Variants in CDKL2 observed in about 807,000 individuals in gnomAD.
CDKL2 encodes cyclin-dependent kinase-like 2.
Under a neutral mutation model 63.9 loss-of-function variants are expected in CDKL2, and 64 were observed. The observed-to-expected ratio is 1.00, with a 90% CI of 0.82 to 1.23. The LOEUF is 1.23. Among genes scored for constraint, CDKL2 ranks in the 50% most tolerant of loss-of-function variants. The pLI is 0.00. For missense variants in CDKL2, 656 were observed against 668.0 expected, an observed-to-expected ratio of 0.98 and a Z score of 0.20; for synonymous variants, 211 against 229.2, an observed-to-expected ratio of 0.92 and a Z score of 0.72.
In CDKL2 at chr4:75,603,938, T is replaced by C; in HGVS notation, c.674A>G (p.His225Arg). Reference sequence around the variant, plus strand: ...AGGATTTTTATTAAAAAGCTCCTGATGCCTTGGAATTAGATTACCTGGAAG... The same window carrying C: ...AGGATTTTTATTAAAAAGCTCCTGACGCCTTGGAATTAGATTACCTGGAAG... ...MMCLGNLIPR[H>R]QELFNKNPVF... is the part of the protein sequence containing the mutation. Residue 225 changes from histidine (H) to arginine (R), a missense_variant, in exon 6 of 14, where the codon CAT becomes CGT. Coordinates refer to ENST00000307465, the MANE Select transcript of CDKL2 (RefSeq NM_001330724.2). 1.9e-6 allele frequency: 3 copies of C among 1,608,360 alleles called. No individual in the cohort carries two copies. Among genetic ancestry groups the C allele is most frequent in the Middle Eastern group, 3.3e-4 (2 of 6,018 alleles).
intron 6 of CDKL2, among the ~76,000 whole-genome samples, chr4:75,602,015 T>G (rs573482517): frequency 4.4e-4 from 67 of 152,328 alleles, no homozygotes; most frequent in South Asian, 1.4e-3. Flanking sequence ...TGATTCTCAC[T>G]TGATAGAATG....
intron 2 of CDKL2, among the ~76,000 whole-genome samples, chr4:75,618,397 G>C (rs1045418220): frequency 6.6e-6 from 1 of 151,318 alleles, no homozygotes; most frequent in African/African-American, 2.4e-5. Flanking sequence ...TGGGATTACA[G>C]ACATGCGCCA....
At chr4:75,593,526 A>G (rs987029051) in intron 10 of CDKL2, among the ~76,000 whole-genome samples, 3 of 152,108 alleles carry the variant, frequency 2.0e-5, no homozygotes, top group Non-Finnish European at 2.9e-5. Flanking sequence ...AGAAGAATAA[A>G]TTACCTCTTC....
chr4:75,618,522 G>A (rs68155345), intron 2 of CDKL2, among the ~76,000 whole-genome samples: 23,280 of 151,858 alleles, frequency 0.15, 2,439 homozygotes, highest in African/African-American at 0.3. Context: ...CCAAAGTGCT[G>A]GGATTACAAG....
At chr4:75,614,213 A>G in intron 3 of CDKL2, 42 bp downstream of exon 3, 1 of 1,287,824 alleles carries the variant, frequency 7.8e-7, no homozygotes, top group East Asian at 2.4e-5. Flanking sequence ...GGATTAATGA[A>G]TAAATATGTG....
intron 1 of CDKL2, 120 bp from the exon 2 acceptor site, chr4:75,626,137 G>T: frequency 1.6e-6 from 1 of 639,984 alleles, no homozygotes; most frequent in African/African-American, 1.8e-5. Context: ...TGGCTGTCCT[G>T]TATTAATTCA....
At chr4:75,582,485 T>G (rs963378842) in intron 12 of CDKL2, among the ~76,000 whole-genome samples, 1 of 151,976 alleles carries the variant, frequency 6.6e-6, no homozygotes, top group East Asian at 1.9e-4. Context: ...TGGCCCAATC[T>G]GAAGAACAGA....
At chr4:75,579,978 A>T (rs889822973) in intron 13 of CDKL2, among the ~76,000 whole-genome samples, 1 of 152,276 alleles carries the variant, frequency 6.6e-6, no homozygotes, top group East Asian at 1.9e-4. Flanking sequence ...TAATTCCAAT[A>T]ATACAGTTAG....
chr4:75,587,191 C>G (rs141041468), intron 12 of CDKL2, among the ~76,000 whole-genome samples: 1 of 152,164 alleles, frequency 6.6e-6, no homozygotes, highest in African/African-American at 2.4e-5. Flanking sequence ...CAGTGGCTCA[C>G]GCCTGTAATC....
At chr4:75,606,671 C>T (rs1299744962) in intron 4 of CDKL2, among the ~76,000 whole-genome samples, 1 of 152,124 alleles carries the variant, frequency 6.6e-6, no homozygotes, top group Non-Finnish European at 1.5e-5. Context: ...AAAATAAGAA[C>T]TCAGTAATCA....
chr4:75,603,840 C>CA lies in CDKL2; in HGVS notation c.771dup (p.Glu258Ter). ...ACCTTTGCTAAATCTATCACCACTT[C>CA]AGAGAGCTTAGGATAGCGTCTTTCA... On this transcript the variant is annotated frameshift_variant, in exon 6 of 14. Transcript: ENST00000307465. LOFTEE classifies it high-confidence loss of function. 1 of 1,604,178 alleles carries CA rather than the reference C, an allele frequency of 6.2e-7. No homozygotes were observed. Among genetic ancestry groups the CA allele is most frequent in the East Asian group, 2.3e-5 (1 of 44,354 alleles).
chr4:75,601,887 T>A (rs957065130), intron 6 of CDKL2, among the ~76,000 whole-genome samples: 2 of 152,168 alleles, frequency 1.3e-5, no homozygotes, highest in Non-Finnish European at 1.5e-5. Context: ...AACAAAAAAA[T>A]TGGGTAAATC....
At chr4:75,628,140 G>T (rs1730516936) in intron 1 of CDKL2, among the ~76,000 whole-genome samples, 2 of 148,320 alleles carry the variant, frequency 1.3e-5, no homozygotes. Flanking sequence ...TTTTGAGACG[G>T]AGTCTTGCTC....
In CDKL2 at chr4:75,591,221, G is replaced by A. The variant is rs757620389; in HGVS notation, c.1647+598C>T. ...TGGAGTTAATGTAGTGAAATACTAC[G>A]AAATATAAAAAAAACCCCAGTAGCT... On this transcript the variant is annotated intron_variant, in intron 12 of 13. Coordinates refer to ENST00000307465, the MANE Select transcript of CDKL2 (RefSeq NM_001330724.2). Among the ~76,000 whole-genome samples the A allele has an allele frequency of 8.6e-5, 13 of 152,032 alleles. No individual in the cohort carries two copies. The South Asian group carries it at 1.2e-3, about 15-fold the overall frequency.
chr4:75,595,982 A>T (rs1728904590), intron 10 of CDKL2: 1 of 164,212 alleles, frequency 6.1e-6, no homozygotes, highest in African/African-American at 5.4e-5. Context: ...GGAAAGAAGG[A>T]AGGAAGGAAG....
chr4:75,607,051 T>C (rs1421912070), intron 4 of CDKL2, 132 bp downstream of exon 4: 1 of 635,544 alleles, frequency 1.6e-6, no homozygotes, highest in East Asian at 2.6e-5. Context: ...GATTACAATT[T>C]ACTTTATATA....
Position 75,577,273 on chromosome 4 carries a change from CA to C in CDKL2, c.*1928del, listed in dbSNP as rs1303303060. On this transcript the variant is annotated 3_prime_UTR_variant, in exon 14 of 14. Transcript: ENST00000307465. The stretch of plus-strand genomic sequence containing the variant: ...ACTTAAAAAAAGGATCATTTTGGTT[CA>C]ATATCTATTATTGTTGATTATGTAA... Among the ~76,000 whole-genome samples, 1 of 152,028 alleles carries C rather than the reference CA, an allele frequency of 6.6e-6. No individual in the cohort carries two copies. Among genetic ancestry groups the C allele is most frequent in the Non-Finnish European group, 1.5e-5 (1 of 67,998 alleles).
At chr4:75,607,408 T>C in intron 3 of CDKL2, 47 bp from the exon 4 acceptor site, 1 of 1,485,746 alleles carries the variant, frequency 6.7e-7, no homozygotes, top group Non-Finnish European at 9.3e-7. Context: ...AATTAATTAT[T>C]TTGGGGCACC....
At chr4:75,588,116 A>G (rs1470148941) in intron 12 of CDKL2, among the ~76,000 whole-genome samples, 1 of 151,298 alleles carries the variant, frequency 6.6e-6, no homozygotes, top group Admixed American at 6.6e-5. Context: ...CAGGAGGCTG[A>G]GGCAGGAGAA....
Sources: allele counts gnomAD v4.1 joint callset (sites outside exome capture counted in the v4.1 genomes callset), GRCh38; gene constraint gnomAD v4.1.1; transcripts MANE v1.5; gene names NCBI Gene and HGNC (gene_info 2026-07-23, HGNC 2026-07-21).